TENM3: variants seen among roughly 807,000 people sequenced by gnomAD.
The protein encoded by TENM3 is teneurin-3.
A neutral mutation model predicts 255.1 loss-of-function variants in TENM3; 63 were observed. That is an observed-to-expected ratio of 0.25 (90% CI 0.20 to 0.30). TENM3 has a LOEUF of 0.30. Ranked by LOEUF, TENM3 falls within the 10% of genes least tolerant of loss-of-function variation. The pLI is 1.00. For synonymous variants in TENM3, 1,306 were observed against 1,322.3 expected (o/e 0.99, Z 0.27); for missense variants, 2,929 against 3,461.1 (o/e 0.85, Z 3.86).
the TENM3 span, among the ~76,000 whole-genome samples, chr4:181,876,556 T>C: frequency 1.3e-5 from 2 of 152,202 alleles, no homozygotes; most frequent in Non-Finnish European, 2.9e-5. Flanking sequence ...CAAGCCATTT[T>C]TACATAACGG....
chr4:182,357,534 C>T (rs1765643507), intron 3 of TENM3, among the ~76,000 whole-genome samples: 1 of 149,268 alleles, frequency 6.7e-6, no homozygotes, highest in East Asian at 2.0e-4. Flanking sequence ...AGTGTCTGTT[C>T]ATGTCCTTCG....
chr4:182,288,875 A>G (rs1320274453), intron 1 of TENM3, among the ~76,000 whole-genome samples: 1 of 152,212 alleles, frequency 6.6e-6, no homozygotes, highest in Non-Finnish European at 1.5e-5. Flanking sequence ...AATAAAATAA[A>G]TAAAGGTCGG....
intron 3 of TENM3, among the ~76,000 whole-genome samples, chr4:182,489,760 C>T (rs554903627): frequency 6.6e-6 from 1 of 151,658 alleles, no homozygotes; most frequent in Admixed American, 6.6e-5. Flanking sequence ...CTTCCTTACT[C>T]CTTCCCTTCC....
the TENM3 span, among the ~76,000 whole-genome samples, chr4:181,939,658 T>C: frequency 6.6e-6 from 1 of 152,214 alleles, no homozygotes; most frequent in African/African-American, 2.4e-5. Flanking sequence ...TCAGCTGAAC[T>C]AAGGGGAAGA....
At chr4:181,834,024 A>G in the TENM3 span, among the ~76,000 whole-genome samples, 31 of 152,188 alleles carry the variant, frequency 2.0e-4, no homozygotes, top group African/African-American at 7.5e-4. Flanking sequence ...GTTTTAAGGA[A>G]AAGACCAATT....
the TENM3 span, among the ~76,000 whole-genome samples, chr4:182,131,109 T>C: frequency 6.6e-6 from 1 of 152,198 alleles, no homozygotes; most frequent in African/African-American, 2.4e-5. Context: ...ACCTTTCTTA[T>C]ATAAACTGTG....
At chr4:181,498,488 A>G in the TENM3 span, among the ~76,000 whole-genome samples, 57 of 152,302 alleles carry the variant, frequency 3.7e-4, no homozygotes, top group East Asian at 9.9e-3. Flanking sequence ...GCTTAAGACG[A>G]TGGTAAAGGA....
intron 4 of TENM3, among the ~76,000 whole-genome samples, chr4:182,618,745 CATG>C (rs754221102): frequency 2.5e-4 from 38 of 151,926 alleles, no homozygotes; most frequent in East Asian, 2.3e-3. Flanking sequence ...AAATTTAAAA[CATG>C]ATGTTTCATT....
chr4:181,582,578 C>T, the TENM3 span, among the ~76,000 whole-genome samples: 228 of 148,902 alleles, frequency 1.5e-3, 1 homozygote, highest in Middle Eastern at 3.5e-3. Flanking sequence ...AGCTGGGAGG[C>T]GGAGGTTGCA....
the TENM3 span, among the ~76,000 whole-genome samples, chr4:182,054,998 A>G: frequency 1.1e-4 from 16 of 152,118 alleles, no homozygotes; most frequent in Non-Finnish European, 1.6e-4. Flanking sequence ...TCTTCTCACC[A>G]CCAACCTACC....
intron 16 of TENM3, among the ~76,000 whole-genome samples, chr4:182,731,694 G>GT (rs1760730612): frequency 8.0e-6 from 1 of 124,682 alleles, no homozygotes; most frequent in Non-Finnish European, 1.7e-5. Flanking sequence ...TGGGTGTTGG[G>GT]GTGTGTGTGT....
chr4:182,346,199 AT>A (rs1264600285), intron 2 of TENM3, among the ~76,000 whole-genome samples: 1 of 152,212 alleles, frequency 6.6e-6, no homozygotes, highest in African/African-American at 2.4e-5. Flanking sequence ...TGAGTAACTT[AT>A]TCTTGAAGGG....
chr4:182,654,016 T>C, intron 6 of TENM3, 123 bp downstream of exon 6: 2 of 907,184 alleles, frequency 2.2e-6, no homozygotes. Flanking sequence ...ATTACAGATA[T>C]CATCTTTTTA....
chr4:181,624,796 C>G, the TENM3 span, among the ~76,000 whole-genome samples: 1 of 152,176 alleles, frequency 6.6e-6, no homozygotes, highest in African/African-American at 2.4e-5. Context: ...TGATTCTTCT[C>G]TTGGATCTGC....
intron 6 of TENM3, among the ~76,000 whole-genome samples, chr4:182,669,540 G>T (rs1755029406): frequency 6.6e-6 from 1 of 152,050 alleles, no homozygotes; most frequent in African/African-American, 2.4e-5. Context: ...AAATTGCTAG[G>T]ATTACAGGCG....
At chr4:181,734,849 G>A in the TENM3 span, among the ~76,000 whole-genome samples, 1 of 152,198 alleles carries the variant, frequency 6.6e-6, no homozygotes, top group East Asian at 1.9e-4. Context: ...GGTTCTATGG[G>A]AATGTCAAAG....
chr4:182,262,370 G>T (rs1022000145), intron 1 of TENM3, among the ~76,000 whole-genome samples: 3 of 152,144 alleles, frequency 2.0e-5, no homozygotes, highest in African/African-American at 7.2e-5. Flanking sequence ...GACAGTGAAG[G>T]CATTCTAAGT....
chr4:182,707,219 G>T, intron 12 of TENM3, among the ~76,000 whole-genome samples: 1 of 150,506 alleles, frequency 6.6e-6, no homozygotes, highest in Admixed American at 6.6e-5. Flanking sequence ...AGAGGTGCTG[G>T]GGTAGAGGGA....
intron 1 of TENM3, among the ~76,000 whole-genome samples, chr4:182,167,195 C>T (rs745963254): frequency 1.8e-4 from 27 of 152,306 alleles, no homozygotes; most frequent in Non-Finnish European, 3.4e-4. Context: ...ACTGTTCTCA[C>T]ACTTACAAAA....
Sources: allele counts gnomAD v4.1 joint callset (sites outside exome capture counted in the v4.1 genomes callset), GRCh38; gene constraint gnomAD v4.1.1; transcripts MANE v1.5; gene names NCBI Gene and HGNC (gene_info 2026-07-23, HGNC 2026-07-21).